NETO1: variants seen among roughly 807,000 people sequenced by gnomAD.
NETO1 encodes neuropilin and tolloid like 1.
NETO1 carries 26 observed loss-of-function variants against 61.3 expected under a neutral mutation model. That is an observed-to-expected ratio of 0.42 (90% CI 0.31 to 0.59). NETO1 has a LOEUF of 0.59. Ranked by LOEUF, NETO1 falls within the 20% of genes least tolerant of loss-of-function variation. The probability of loss-of-function intolerance (pLI) is 0.12; values close to 1 mark genes in which losing one functional copy is unlikely to be tolerated. For synonymous variants in NETO1, 225 were observed against 225.8 expected (o/e 1.00, Z 0.03); for missense variants, 531 against 662.8 (o/e 0.80, Z 2.18).
At chr18:72,785,731 CCTT>C (rs1392063087) in intron 6 of NETO1, among the ~76,000 whole-genome samples, 1 of 152,136 alleles carries the variant, frequency 6.6e-6, no homozygotes, top group African/African-American at 2.4e-5. Flanking sequence ...AAATTTACAT[CCTT>C]CTTATCTCCC....
chr18:72,850,123 T>G (rs1436309193), intron 4 of NETO1, among the ~76,000 whole-genome samples: 2 of 152,210 alleles, frequency 1.3e-5, no homozygotes, highest in Non-Finnish European at 2.9e-5. Context: ...TTGCAGAAAT[T>G]AGGACATAGA....
rs2070457810 is a variant in NETO1 at position 72,747,562 on chromosome 18, CA to C, written c.*616del. The C allele has an allele frequency of 6.6e-6, 1 of 151,832 alleles. No individual in the cohort carries two copies. The highest frequency in any genetic ancestry group is 1.9e-4 in the East Asian group (1 of 5,164). 9.4% of individuals were successfully genotyped at this position (151,832 alleles called of 1,614,324 possible). ...GAAATCAGGGGTATACAGGAAAGAC[CA>C]AAAAATGAATTTTTTTATTGCAATC... On this transcript the variant is annotated 3_prime_UTR_variant, in exon 11 of 11. Transcript: ENST00000327305.
chr18:72,866,740 A>G, intron 1 of NETO1: 2 of 988,546 alleles, frequency 2.0e-6, no homozygotes, highest in Non-Finnish European at 2.4e-6. Flanking sequence ...CCGCGTTACC[A>G]CACACCCATA....
chr18:72,787,805 T>G (rs2071972104), intron 6 of NETO1, among the ~76,000 whole-genome samples: 1 of 152,206 alleles, frequency 6.6e-6, no homozygotes, highest in Admixed American at 6.5e-5. Context: ...TGCAGCCTTA[T>G]GTAATGCTTT....
intron 4 of NETO1, among the ~76,000 whole-genome samples, chr18:72,805,476 T>C (rs892589498): frequency 1.3e-5 from 2 of 152,228 alleles, no homozygotes; most frequent in African/African-American, 4.8e-5. Flanking sequence ...ATAATTAATA[T>C]GTACCAGATA....
chr18:72,843,948 G>A (rs561638455), intron 4 of NETO1, among the ~76,000 whole-genome samples: 2 of 152,086 alleles, frequency 1.3e-5, no homozygotes, highest in East Asian at 1.9e-4. Context: ...TTTAATATGC[G>A]GATGTCTCAG....
At chr18:72,803,686 T>C (rs977039153) in intron 4 of NETO1, among the ~76,000 whole-genome samples, 1 of 152,018 alleles carries the variant, frequency 6.6e-6, no homozygotes, top group Non-Finnish European at 1.5e-5. Context: ...TCAGGTGTGG[T>C]GGCACATGCC....
At position 72,744,966 on chromosome 18, in the gene NETO1, G is replaced by A. The variant is rs147354493; in HGVS notation, c.*3213C>T. The A allele has an allele frequency of 4.7e-3, 719 of 152,252 alleles. 5 individuals are homozygous for A. Among genetic ancestry groups the A allele is most frequent in the African/African-American group, 0.016 (681 of 41,554 alleles). The allele number at this position is 152,252 out of a possible 1,614,324, so 9.4% of individuals were successfully genotyped here. ...AGAAAAAAATGATACAGAAGCTTAA[G>A]TGAATATTAAAGTAATGCCAACCGT... On this transcript the variant is annotated 3_prime_UTR_variant, in exon 11 of 11. Transcript: ENST00000327305.
At chr18:72,802,248 C>G (rs1355353139) in intron 4 of NETO1, among the ~76,000 whole-genome samples, 1 of 151,862 alleles carries the variant, frequency 6.6e-6, no homozygotes, top group Non-Finnish European at 1.5e-5. Flanking sequence ...ATAGTGAACT[C>G]ATTGAAATGT....
chr18:72,862,905 C>T (rs1402111514), intron 3 of NETO1, among the ~76,000 whole-genome samples: 1 of 152,156 alleles, frequency 6.6e-6, no homozygotes, highest in East Asian at 1.9e-4. Context: ...CAGGTGTGAG[C>T]CACCACGTCT....
chr18:72,792,227 T>A (rs553729806), intron 6 of NETO1, among the ~76,000 whole-genome samples: 2 of 151,936 alleles, frequency 1.3e-5, no homozygotes, highest in South Asian at 4.2e-4. Flanking sequence ...AGATCAAGAG[T>A]TCGAGACCAG....
intron 7 of NETO1, among the ~76,000 whole-genome samples, chr18:72,782,932 G>GTT (rs1210584209): frequency 6.6e-6 from 1 of 152,204 alleles, no homozygotes; most frequent in Non-Finnish European, 1.5e-5. Context: ...GTATATGCTT[G>GTT]TTGGCCACAT....
At chr18:72,817,933 T>C (rs1056971077) in intron 4 of NETO1, among the ~76,000 whole-genome samples, 3 of 152,202 alleles carry the variant, frequency 2.0e-5, no homozygotes, top group African/African-American at 4.8e-5. Flanking sequence ...CAACGGCCAG[T>C]GAGCACTGAA....
chr18:72,852,970 T>C (rs1022407288), intron 4 of NETO1, among the ~76,000 whole-genome samples: 4 of 151,580 alleles, frequency 2.6e-5, no homozygotes, highest in African/African-American at 9.7e-5. Flanking sequence ...GTAGCTGGGA[T>C]TACAGGCGCC....
chr18:72,843,594 T>C (rs2073998985), intron 4 of NETO1, among the ~76,000 whole-genome samples: 1 of 152,126 alleles, frequency 6.6e-6, no homozygotes, highest in Non-Finnish European at 1.5e-5. Context: ...GTAGCTCATG[T>C]GTACCCTTGT....
intron 4 of NETO1, among the ~76,000 whole-genome samples, chr18:72,808,102 C>T (rs2145182703): frequency 6.6e-6 from 1 of 152,334 alleles, no homozygotes; most frequent in Middle Eastern, 3.4e-3. Flanking sequence ...AATTATGCCA[C>T]ATTCACTGTT....
intron 4 of NETO1, among the ~76,000 whole-genome samples, chr18:72,847,220 T>C (rs1293038921): frequency 6.6e-6 from 1 of 152,234 alleles, no homozygotes; most frequent in Non-Finnish European, 1.5e-5. Context: ...GCTATAGTTC[T>C]TTCGTGGGCA....
chr18:72,763,132 GTT>G (rs5826209), intron 7 of NETO1, among the ~76,000 whole-genome samples: 11 of 146,520 alleles, frequency 7.5e-5, no homozygotes, highest in Non-Finnish European at 1.7e-4. Context: ...ATTAGATTTC[GTT>G]TTTTTTTTTG....
At chr18:72,849,656 A>C (rs2074192288) in intron 4 of NETO1, among the ~76,000 whole-genome samples, 1 of 152,230 alleles carries the variant, frequency 6.6e-6, no homozygotes, top group South Asian at 2.1e-4. Flanking sequence ...AATAAAATCA[A>C]GTATTTGTTT....
Sources: gnomAD v4.1 joint callset for allele counts (sites outside exome capture counted in the v4.1 genomes callset) on GRCh38, gnomAD v4.1.1 for gene constraint, MANE v1.5 for transcripts, NCBI Gene and HGNC (gene_info 2026-07-23, HGNC 2026-07-21) for gene names.